Variants in POLE2 observed in about 807,000 individuals in gnomAD.
POLE2 encodes the protein DNA polymerase epsilon 2, accessory subunit.
A neutral mutation model predicts 79.4 loss-of-function variants in POLE2; 56 were observed. The observed-to-expected ratio is 0.71, with a 90% CI of 0.57 to 0.88. The LOEUF (loss-of-function observed/expected upper bound fraction) is 0.88. POLE2 is among the 40% of genes least tolerant of loss of function. The pLI, the probability that POLE2 is intolerant of heterozygous loss-of-function variation, is 0.00. For synonymous variants in POLE2, 212 were observed against 214.0 expected (o/e 0.99, Z 0.08); for missense variants, 598 against 638.9 (o/e 0.94, Z 0.69).
At chr14:49,660,490 T>A in intron 10 of POLE2, among the ~76,000 whole-genome samples, 1 of 152,088 alleles carries the variant, frequency 6.6e-6, no homozygotes, top group Non-Finnish European at 1.5e-5. Flanking sequence ...ATGAACTACA[T>A]TATTAATAAG....
intron 1 of POLE2, among the ~76,000 whole-genome samples, chr14:49,687,669 A>G (rs1887253559): frequency 2.6e-5 from 4 of 151,896 alleles, no homozygotes. Context: ...CGGGGAAACC[A>G]AAGAAGGCAC....
chr14:49,644,886 C>CA (rs1303395806), intron 18 of POLE2, among the ~76,000 whole-genome samples: 12 of 151,584 alleles, frequency 7.9e-5, no homozygotes, highest in Non-Finnish European at 1.5e-4. Context: ...ACTAAAAATA[C>CA]AAAAAATCAG....
In POLE2 at chr14:49,650,360, C is replaced by A. The variant is rs1293879274; in HGVS notation, c.1402G>T (p.Ala468Ser). 6.2e-7 allele frequency: 1 copy of A among 1,609,644 alleles called. No homozygotes were observed. Among genetic ancestry groups the A allele is most frequent in the African/African-American group, 1.3e-5 (1 of 74,796 alleles). The part of the protein sequence containing the change: ...VCPVYWAYDY[A>S]LRVYPVPDLL... ...TCGGGCACAGGATACACTCTCAAAG[C>A]ATAGTCATATGCCCAATACACTGGG... The change falls in exon 17 of 19, where the codon GCT becomes TCT. Residue 468 changes from alanine to serine, a missense_variant. By Grantham distance (99) the Ala-to-Ser change is moderately conservative (BLOSUM62 1). Transcript: ENST00000216367.
chr14:49,648,217 T>G (rs1291388783), intron 17 of POLE2, among the ~76,000 whole-genome samples: 1 of 152,238 alleles, frequency 6.6e-6, no homozygotes, highest in African/African-American at 2.4e-5. Context: ...TCAGTCTTTG[T>G]GCCCCAAGCA....
At chr14:49,662,608 T>C (rs1356241418) in intron 10 of POLE2, among the ~76,000 whole-genome samples, 1 of 152,252 alleles carries the variant, frequency 6.6e-6, no homozygotes, top group Non-Finnish European at 1.5e-5. Flanking sequence ...ACCACTGCAG[T>C]TTAGTTTTTG....
chr14:49,659,776 G>T (rs991122553), intron 10 of POLE2, among the ~76,000 whole-genome samples: 1 of 152,078 alleles, frequency 6.6e-6, no homozygotes, highest in Non-Finnish European at 1.5e-5. Flanking sequence ...TGGTAGAGAT[G>T]AGGTTTTGTT....
At chr14:49,675,694 G>A (rs1886225732) in intron 3 of POLE2, among the ~76,000 whole-genome samples, 2 of 148,946 alleles carry the variant, frequency 1.3e-5, no homozygotes, top group African/African-American at 4.9e-5. Context: ...CCAAACTGCT[G>A]GGATTACAGG....
At chr14:49,663,142 A>G (rs1054644093) in intron 10 of POLE2, among the ~76,000 whole-genome samples, 173 bp downstream of exon 10, 38 of 152,322 alleles carry the variant, frequency 2.5e-4, no homozygotes, top group African/African-American at 8.4e-4. Flanking sequence ...CCAATCTGCT[A>G]GTTTTCACAT....
At chr14:49,668,910 C>T (rs527468986) in intron 6 of POLE2, among the ~76,000 whole-genome samples, 1 of 152,268 alleles carries the variant, frequency 6.6e-6, no homozygotes, top group Non-Finnish European at 1.5e-5. Context: ...AAGTAATCCT[C>T]CCACCTCAGC....
chr14:49,655,559 ACT>A (rs1474439054), intron 11 of POLE2, 110 bp downstream of exon 11: 11 of 748,262 alleles, frequency 1.5e-5, no homozygotes, highest in East Asian at 1.1e-4. Flanking sequence ...CTCATTGCTA[ACT>A]CTGTTTTTTT....
chr14:49,645,980 A>C (rs1443006631), intron 18 of POLE2, among the ~76,000 whole-genome samples: 2 of 152,156 alleles, frequency 1.3e-5, no homozygotes, highest in Non-Finnish European at 2.9e-5. Context: ...ATTTCAGTAA[A>C]AGACATTCTA....
intron 6 of POLE2, among the ~76,000 whole-genome samples, chr14:49,668,260 A>G (rs1885628966): frequency 6.6e-6 from 1 of 151,886 alleles, no homozygotes; most frequent in Admixed American, 6.6e-5. Context: ...ACAGAGCAAG[A>G]CTCTGCCAGA....
intron 5 of POLE2, among the ~76,000 whole-genome samples, chr14:49,672,344 C>T (rs1375754660): frequency 6.6e-6 from 1 of 152,132 alleles, no homozygotes; most frequent in Non-Finnish European, 1.5e-5. Flanking sequence ...AACACTATGT[C>T]GGCAATGGAA....
chr14:49,676,801 G>GTGCCC (rs1298886106), intron 3 of POLE2, among the ~76,000 whole-genome samples: 1 of 152,216 alleles, frequency 6.6e-6, no homozygotes, highest in African/African-American at 2.4e-5. Flanking sequence ...TCGTTGCTAT[G>GTGCCC]TGCCCTGAGG....
intron 6 of POLE2, 32 bp from the exon 7 acceptor site, chr14:49,666,445 G>T: frequency 1.1e-6 from 1 of 945,306 alleles, no homozygotes; most frequent in Non-Finnish European, 1.6e-6. Flanking sequence ...TTTAAAGACT[G>T]TAAATATATT....
chr14:49,674,488 CATG>C, intron 3 of POLE2, 61 bp from the exon 4 acceptor site: 3 of 940,116 alleles, frequency 3.2e-6, no homozygotes, highest in Non-Finnish European at 5.1e-6. Flanking sequence ...TCTAGGTGAA[CATG>C]ATAACTTGCA....
chr14:49,653,695 G>C (rs577910499), intron 15 of POLE2, among the ~76,000 whole-genome samples: 161 of 151,772 alleles, frequency 1.1e-3, no homozygotes, highest in Non-Finnish European at 2.0e-3. Context: ...CCAGGCTGCA[G>C]GCTGGAATGC....
chr14:49,656,782 C>T (rs1332749302), intron 10 of POLE2, among the ~76,000 whole-genome samples: 1 of 152,092 alleles, frequency 6.6e-6, no homozygotes, highest in Non-Finnish European at 1.5e-5. Flanking sequence ...TATACACTCT[C>T]ATAGGAACCT....
intron 18 of POLE2, among the ~76,000 whole-genome samples, chr14:49,644,824 T>C (rs1017617739): frequency 6.6e-6 from 1 of 152,096 alleles, no homozygotes; most frequent in South Asian, 2.1e-4. Context: ...GTGGATCACC[T>C]GAGGTCAGGA....
Sources: gnomAD v4.1 joint callset for allele counts (sites outside exome capture counted in the v4.1 genomes callset) on GRCh38, gnomAD v4.1.1 for gene constraint, MANE v1.5 for transcripts, NCBI Gene and HGNC (gene_info 2026-07-23, HGNC 2026-07-21) for gene names.